PDE4D: variants seen among roughly 807,000 people sequenced by gnomAD.
The protein encoded by PDE4D is phosphodiesterase 4D.
In PDE4D, 24 loss-of-function variants were observed where a neutral mutation model predicts 87.4. The ratio of observed to expected loss-of-function variants is 0.27; its 90% CI spans 0.20 to 0.39. PDE4D has a LOEUF of 0.39. PDE4D is among the 10% of genes least tolerant of loss of function. The probability of loss-of-function intolerance (pLI) is 1.00; values close to 1 mark genes in which losing one functional copy is unlikely to be tolerated. For synonymous variants in PDE4D, 384 were observed against 383.2 expected, an observed-to-expected ratio of 1.00 and a Z score of -0.02; for missense variants, 714 against 1,041.0, an observed-to-expected ratio of 0.69 and a Z score of 4.32.
At chr5:59,706,297 T>C (rs1279835306) in intron 1 of PDE4D, among the ~76,000 whole-genome samples, 4 of 151,962 alleles carry the variant, frequency 2.6e-5, no homozygotes, top group Non-Finnish European at 5.9e-5. Context: ...GATTTCAGGG[T>C]CGCTTGTCCC....
chr5:60,044,770 G>A (rs1769000057), intron 2 of PDE4D, among the ~76,000 whole-genome samples: 1 of 152,284 alleles, frequency 6.6e-6, no homozygotes, highest in South Asian at 2.1e-4. Flanking sequence ...ATCATTGATG[G>A]ACATTTGGGT....
At chr5:59,693,727 C>T (rs1253073364) in intron 1 of PDE4D, among the ~76,000 whole-genome samples, 1 of 152,048 alleles carries the variant, frequency 6.6e-6, no homozygotes, top group Non-Finnish European at 1.5e-5. Flanking sequence ...TTGTTGAATA[C>T]GAATGACTGA....
intron 2 of PDE4D, among the ~76,000 whole-genome samples, chr5:59,991,162 A>G (rs2152832407): frequency 6.6e-6 from 1 of 152,288 alleles, no homozygotes; most frequent in African/African-American, 2.4e-5. Flanking sequence ...ATTAAATGAG[A>G]GGATAGAAAT....
Position 60,358,742 on chromosome 5 carries a change from A to C in PDE4D, c.-90+129200T>G, listed in dbSNP as rs554942730. On this transcript the variant is annotated intron_variant, in intron 1 of 16. Transcript: ENST00000502484. Reference sequence around the variant, plus strand: ...TTTGCGCATTATTTAATAAGGTTTCATTCAAGTTCAGTGTTGAGATATTAC... The same window carrying C: ...TTTGCGCATTATTTAATAAGGTTTCCTTCAAGTTCAGTGTTGAGATATTAC... Among the ~76,000 whole-genome samples, 55 of 152,312 alleles carry C rather than the reference A, an allele frequency of 3.6e-4. 1 individual carries two copies. The South Asian group carries it at 0.011, about 31-fold the overall frequency.
intron 1 of PDE4D, among the ~76,000 whole-genome samples, chr5:60,413,767 T>C (rs965326246): frequency 6.6e-6 from 1 of 151,628 alleles, no homozygotes; most frequent in Non-Finnish European, 1.5e-5. Context: ...GGTGAAAGTA[T>C]CATTGACTTA....
At position 58,974,789 on chromosome 5, in the gene PDE4D, A is replaced by C; in HGVS notation, c.2305T>G (p.Cys769Gly). The C allele has an allele frequency of 6.2e-7, 1 of 1,613,708 alleles. No homozygotes were observed. ...DTSCSDSKTLCTQDSESTEIP... is the reference protein window; with the variant it reads ...DTSCSDSKTLGTQDSESTEIP... The stretch of plus-strand genomic sequence containing the variant: ...TCAGTAGACTCTGAGTCTTGAGTAC[A>C]AAGAGTCTTGGAGTCACTGCAGCTA... Residue 769 changes from cysteine to glycine, a missense_variant, in exon 15 of 15, where the codon TGT (cysteine) becomes GGT (glycine). Physicochemically the swap from Cys to Gly is radical, Grantham distance 159 (BLOSUM62 -3). Around this residue, in one of 7 missense-constraint regions of PDE4D, gnomAD observed 90 missense variants for 95.3 expected, o/e 0.94. Coordinates refer to ENST00000340635, the MANE Select transcript of PDE4D (RefSeq NM_001104631.2).
chr5:59,300,841 C>A (rs928739850), intron 1 of PDE4D, among the ~76,000 whole-genome samples: 4 of 152,180 alleles, frequency 2.6e-5, no homozygotes, highest in Non-Finnish European at 4.4e-5. Context: ...GAGCTTCTAA[C>A]CGGCCACCTC....
intron 1 of PDE4D, among the ~76,000 whole-genome samples, chr5:59,837,700 T>A (rs140230439): frequency 6.6e-6 from 1 of 152,066 alleles, no homozygotes; most frequent in Admixed American, 6.5e-5. Flanking sequence ...CAAAACTACA[T>A]AATTTTTGAG....
At chr5:59,978,392 G>C (rs868332078) in intron 3 of PDE4D, among the ~76,000 whole-genome samples, 1 of 152,142 alleles carries the variant, frequency 6.6e-6, no homozygotes, top group African/African-American at 2.4e-5. Context: ...AGGGGTTCAA[G>C]TGGAGAAAGT....
At chr5:60,031,261 T>C (rs1767213866) in intron 2 of PDE4D, among the ~76,000 whole-genome samples, 1 of 152,224 alleles carries the variant, frequency 6.6e-6, no homozygotes, top group African/African-American at 2.4e-5. Flanking sequence ...GCTTTTTGCT[T>C]TAACAAACAT....
At chr5:60,308,681 G>T (rs1291829294) in intron 1 of PDE4D, among the ~76,000 whole-genome samples, 1 of 152,132 alleles carries the variant, frequency 6.6e-6, no homozygotes, top group Non-Finnish European at 1.5e-5. Context: ...ACACAGCATG[G>T]TTTATAATTA....
rs372577468 is a variant in PDE4D at position 60,089,425 on chromosome 5, C to A, written c.42+96132G>T. Among the ~76,000 whole-genome samples, 46 of 151,876 alleles carry A rather than the reference C, an allele frequency of 3.0e-4. 1 individual carries two copies. The highest frequency in any genetic ancestry group is 1.0e-3 in the African/African-American group (42 of 41,494). On this transcript the variant is annotated intron_variant, in intron 2 of 16. Coordinates refer to the PDE4D transcript ENST00000502484. ...GTACAAATCCATGGAAAGAAAACAA[C>A]ATGCTACTGAAAAACAAATTGGTCA...
At chr5:59,205,653 A>AACACACACACACACACAC (rs35509503) in intron 2 of PDE4D, among the ~76,000 whole-genome samples, 3 of 136,406 alleles carry the variant, frequency 2.2e-5, no homozygotes, top group East Asian at 2.2e-4. Context: ...CCACTAGCTA[A>AACACACACACACACACAC]ACACACACAC....
intron 1 of PDE4D, among the ~76,000 whole-genome samples, chr5:59,372,815 TAGCTG>T (rs993341702): frequency 1.3e-5 from 2 of 152,160 alleles, no homozygotes; most frequent in African/African-American, 2.4e-5. Flanking sequence ...TCAGCACCCC[TAGCTG>T]AGTGGATTCC....
intron 1 of PDE4D, among the ~76,000 whole-genome samples, chr5:59,549,736 T>TAC (rs1197998907): frequency 2.0e-5 from 3 of 152,060 alleles, no homozygotes; most frequent in African/African-American, 7.2e-5. Flanking sequence ...GCTATATATA[T>TAC]ACACACAAAC....
intron 5 of PDE4D, among the ~76,000 whole-genome samples, chr5:59,107,322 C>T (rs185999791): frequency 1.2e-3 from 179 of 152,300 alleles, no homozygotes; most frequent in Non-Finnish European, 1.7e-3. Context: ...GATTCTCCTG[C>T]CTCAGCCTGC....
intron 1 of PDE4D, among the ~76,000 whole-genome samples, chr5:59,735,468 G>A (rs1256701781): frequency 1.3e-5 from 2 of 152,142 alleles, no homozygotes; most frequent in African/African-American, 2.4e-5. Context: ...TTTTAAGTCA[G>A]TGGAATAGGA....
intron 1 of PDE4D, among the ~76,000 whole-genome samples, chr5:60,411,002 A>T (rs1436578088): frequency 6.6e-6 from 1 of 152,234 alleles, no homozygotes; most frequent in East Asian, 1.9e-4. Flanking sequence ...AAAAAGCTGC[A>T]TACTTTTCCC....
intron 5 of PDE4D, among the ~76,000 whole-genome samples, chr5:59,077,318 A>G (rs1765853187): frequency 6.6e-6 from 1 of 152,186 alleles, no homozygotes. Context: ...TAACTATGAT[A>G]TTTAAAACTT....
Sources: allele counts gnomAD v4.1 joint callset (sites outside exome capture counted in the v4.1 genomes callset), GRCh38; gene constraint gnomAD v4.1.1; regional missense constraint gnomAD v4.1.1; transcripts MANE v1.5; gene names NCBI Gene and HGNC (gene_info 2026-07-23, HGNC 2026-07-21).